ITPKB: variants seen among roughly 807,000 people sequenced by gnomAD.
ITPKB encodes IP3 3-kinase B.
ITPKB carries 13 observed loss-of-function variants against 69.4 expected under a neutral mutation model. The observed-to-expected ratio is 0.19, with a 90% CI of 0.12 to 0.30. ITPKB has a LOEUF of 0.30. ITPKB is among the 10% of genes least tolerant of loss of function. The pLI is 1.00. For synonymous variants in ITPKB, 584 were observed against 513.7 expected (o/e 1.14, Z -1.85); for missense variants, 1,240 against 1,250.5 (o/e 0.99, Z 0.13).
intron 2 of ITPKB, among the ~76,000 whole-genome samples, chr1:226,689,404 C>T (rs1656291170): frequency 6.6e-6 from 1 of 152,158 alleles, no homozygotes; most frequent in South Asian, 2.1e-4. Context: ...AATAAGCATC[C>T]AACCAGCAGC....
chr1:226,658,069 T>C (rs901285030), intron 2 of ITPKB, among the ~76,000 whole-genome samples: 1 of 152,228 alleles, frequency 6.6e-6, no homozygotes, highest in Non-Finnish European at 1.5e-5. Flanking sequence ...TTGTTCTGTG[T>C]CAAAGCCTTT....
At chr1:226,653,552 A>G (rs1206545605) in intron 2 of ITPKB, among the ~76,000 whole-genome samples, 4 of 152,198 alleles carry the variant, frequency 2.6e-5, no homozygotes, top group South Asian at 2.1e-4. Flanking sequence ...TGCAGCTGTC[A>G]GATGACACAA....
intron 2 of ITPKB, among the ~76,000 whole-genome samples, chr1:226,703,641 C>T (rs558354526): frequency 2.0e-5 from 3 of 152,354 alleles, no homozygotes; most frequent in South Asian, 2.1e-4. Context: ...CCCCTGTCGC[C>T]TTCGCCAGCG....
At chr1:226,681,729 G>C (rs1416135845) in intron 2 of ITPKB, among the ~76,000 whole-genome samples, 1 of 152,092 alleles carries the variant, frequency 6.6e-6, no homozygotes, top group East Asian at 1.9e-4. Flanking sequence ...CTCAGCCTGG[G>C]CACTAAAAAA....
At chr1:226,716,331 C>CTCCCATACAGAGAGAATCCA (rs959502874) in intron 2 of ITPKB, among the ~76,000 whole-genome samples, 1 of 152,202 alleles carries the variant, frequency 6.6e-6, no homozygotes, top group Non-Finnish European at 1.5e-5. Context: ...TTCCCATACT[C>CTCCCATACAGAGAGAATCCA]TAAAAAGAGA....
intron 2 of ITPKB, among the ~76,000 whole-genome samples, chr1:226,674,337 T>C (rs1218865719): frequency 6.6e-6 from 1 of 152,118 alleles, no homozygotes; most frequent in Non-Finnish European, 1.5e-5. Context: ...TAGCTGGGAT[T>C]ACAGGCACCT....
intron 2 of ITPKB, among the ~76,000 whole-genome samples, chr1:226,711,442 A>AGAGAGAGAGAGAGT (rs1491474441): frequency 5.9e-5 from 6 of 102,292 alleles, no homozygotes; most frequent in African/African-American, 2.5e-4. Flanking sequence ...AGAGAGAGAG[A>AGAGAGAGAGAGAGT]GTGTGTGTGT....
At chr1:226,646,239 C>G (rs1179533674) in intron 4 of ITPKB, among the ~76,000 whole-genome samples, 1 of 152,244 alleles carries the variant, frequency 6.6e-6, no homozygotes, top group African/African-American at 2.4e-5. Context: ...GCCAGCCCCA[C>G]AACATGAGCA....
chr1:226,691,256 G>GT (rs1343009860), intron 2 of ITPKB, among the ~76,000 whole-genome samples: 2 of 151,736 alleles, frequency 1.3e-5, no homozygotes, highest in African/African-American at 2.4e-5. Flanking sequence ...AAAAACCTCT[G>GT]TTTTTTCTCT....
chr1:226,635,741 G>A (rs1668823851), intron 7 of ITPKB, among the ~76,000 whole-genome samples: 1 of 152,224 alleles, frequency 6.6e-6, no homozygotes, highest in African/African-American at 2.4e-5. Flanking sequence ...CAGATTCAGC[G>A]TGGGCAGACC....
intron 5 of ITPKB, 50 bp from the exon 6 acceptor site, chr1:226,639,708 G>A (rs935546709): frequency 2.4e-6 from 3 of 1,266,692 alleles, no homozygotes; most frequent in Non-Finnish European, 3.5e-6. Flanking sequence ...GGACCCTCGG[G>A]CAGAAACTGT....
At chr1:226,685,806 GA>G (rs35288605) in intron 2 of ITPKB, among the ~76,000 whole-genome samples, 10 of 152,048 alleles carry the variant, frequency 6.6e-5, no homozygotes, top group Non-Finnish European at 1.3e-4. Context: ...ATTGTACAAG[GA>G]AAAAAAATTC....
rs769528326 is a variant in ITPKB, at chr1:226,736,929, G to C, written c.530C>G (p.Pro177Arg). The C allele has an allele frequency of 2.5e-6, 4 of 1,610,976 alleles. No homozygotes were observed. ...CTGACTGCTGCTGCGGAAGGGGCAC[G>C]GGGAGGGCGAGCGAGCCCTGCCCAA... ...PRLGRARSPS[P>R]CPFRSSSQPP... Residue 177 changes from proline (P) to arginine (R), a missense_variant, in exon 2 of 8, where the codon CCG (proline) becomes CGG (arginine). By Grantham distance (103) the Pro-to-Arg change is moderately radical. Transcript: ENST00000429204.
chr1:226,661,302 C>T (rs1049134245), intron 2 of ITPKB, among the ~76,000 whole-genome samples: 12 of 152,220 alleles, frequency 7.9e-5, no homozygotes, highest in Non-Finnish European at 1.5e-5. Context: ...GTGTGCTTAC[C>T]AGAGCCAGAC....
intron 2 of ITPKB, among the ~76,000 whole-genome samples, chr1:226,704,124 G>T (rs1277892913): frequency 6.6e-6 from 1 of 152,126 alleles, no homozygotes; most frequent in African/African-American, 2.4e-5. Flanking sequence ...TTAGACCCCT[G>T]AAAATTTTTG....
intron 2 of ITPKB, among the ~76,000 whole-genome samples, chr1:226,696,582 G>A (rs1656493039): frequency 6.6e-6 from 1 of 152,162 alleles, no homozygotes; most frequent in South Asian, 2.1e-4. Context: ...CTAGCTTGGA[G>A]CATTACTAGC....
At chr1:226,679,567 G>T (rs7517463) in intron 2 of ITPKB, among the ~76,000 whole-genome samples, 1 of 152,184 alleles carries the variant, frequency 6.6e-6, no homozygotes, top group Non-Finnish European at 1.5e-5. Context: ...AACCTAAGTC[G>T]ATATTCTACC....
At chr1:226,700,619 A>T (rs1039155217) in intron 2 of ITPKB, among the ~76,000 whole-genome samples, 4 of 152,146 alleles carry the variant, frequency 2.6e-5, no homozygotes, top group African/African-American at 9.7e-5. Flanking sequence ...TTCCCACATA[A>T]ACCCAATGCC....
At chr1:226,656,214 A>G (rs892407292) in intron 2 of ITPKB, among the ~76,000 whole-genome samples, 4 of 152,154 alleles carry the variant, frequency 2.6e-5, no homozygotes, top group Admixed American at 2.6e-4. Flanking sequence ...TAACACAAGA[A>G]AGGGACCTTG....
Sources: gnomAD v4.1 joint callset for allele counts (sites outside exome capture counted in the v4.1 genomes callset) on GRCh38, gnomAD v4.1.1 for gene constraint, MANE v1.5 for transcripts, NCBI Gene and HGNC (gene_info 2026-07-23, HGNC 2026-07-21) for gene names.